PLD5: variants seen among roughly 807,000 people sequenced by gnomAD.
The protein encoded by PLD5 is phospholipase D family member 5, also known as inactive phospholipase D5.
Under a neutral mutation model 61.1 loss-of-function variants are expected in PLD5, and 36 were observed. That is an observed-to-expected ratio of 0.59 (90% CI 0.45 to 0.78). PLD5 has a LOEUF of 0.78. Ranked by LOEUF, PLD5 falls within the 30% of genes least tolerant of loss-of-function variation. PLD5 has a pLI of 0.00. For missense variants in PLD5, 515 were observed against 644.4 expected (o/e 0.80, Z 2.17); for synonymous variants, 243 against 242.8 (o/e 1.00, Z -0.01).
intron 1 of PLD5, among the ~76,000 whole-genome samples, chr1:242,441,077 AAATT>A (rs1407748103): frequency 6.6e-6 from 1 of 152,236 alleles, no homozygotes; most frequent in Non-Finnish European, 1.5e-5. Context: ...TAGCTATAAT[AAATT>A]AAGTTGAAAA....
intron 4 of PLD5, among the ~76,000 whole-genome samples, chr1:242,241,757 T>C (rs1457971087): frequency 7.5e-6 from 1 of 132,638 alleles, no homozygotes; most frequent in Non-Finnish European, 1.6e-5. Context: ...TTTATTCATA[T>C]GTATATTCCT....
chr1:242,389,570 G>C (rs906235324), intron 1 of PLD5, among the ~76,000 whole-genome samples: 9 of 151,690 alleles, frequency 5.9e-5, no homozygotes, highest in East Asian at 3.9e-4. Flanking sequence ...TCTGAGGGGG[G>C]GAAAATCTGT....
At chr1:242,403,528 G>A (rs983188988) in intron 1 of PLD5, among the ~76,000 whole-genome samples, 2 of 149,978 alleles carry the variant, frequency 1.3e-5, no homozygotes, top group Non-Finnish European at 3.0e-5. Flanking sequence ...GCAATGGCAC[G>A]ATCTTGGCTC....
At chr1:242,156,399 G>T (rs969444864) in intron 5 of PLD5, among the ~76,000 whole-genome samples, 1 of 152,154 alleles carries the variant, frequency 6.6e-6, no homozygotes, top group African/African-American at 2.4e-5. Context: ...TCATTATGAT[G>T]CTAGCTGGTT....
intron 7 of PLD5, 57 bp from the exon 8 acceptor site, chr1:242,107,896 T>C: frequency 6.9e-7 from 1 of 1,455,016 alleles, no homozygotes; most frequent in Non-Finnish European, 9.3e-7. Flanking sequence ...GGAAAAGAAA[T>C]TTACTAGACA....
At chr1:242,456,530 G>A (rs925660992) in intron 1 of PLD5, among the ~76,000 whole-genome samples, 1 of 152,132 alleles carries the variant, frequency 6.6e-6, no homozygotes, top group Non-Finnish European at 1.5e-5. Context: ...ACACCTGCAG[G>A]CTGAGTGCGC....
chr1:242,375,436 T>C (rs77345251), intron 1 of PLD5, among the ~76,000 whole-genome samples: 1 of 152,046 alleles, frequency 6.6e-6, no homozygotes, highest in South Asian at 2.1e-4. Context: ...GAGACTTTAA[T>C]TTTTTTTACA....
intron 1 of PLD5, among the ~76,000 whole-genome samples, chr1:242,495,489 G>A (rs1037033723): frequency 4.6e-5 from 7 of 152,040 alleles, no homozygotes; most frequent in African/African-American, 1.2e-4. Flanking sequence ...AAGCAAAGAC[G>A]TAGCAACCCT....
chr1:242,173,942 AC>A (rs1308783792), intron 5 of PLD5, among the ~76,000 whole-genome samples: 2 of 152,184 alleles, frequency 1.3e-5, no homozygotes, highest in Middle Eastern at 3.2e-3. Flanking sequence ...AACCATAAAA[AC>A]CCTAGAAGAA....
At chr1:242,308,189 A>G (rs1211673489) in intron 2 of PLD5, among the ~76,000 whole-genome samples, 1 of 152,068 alleles carries the variant, frequency 6.6e-6, no homozygotes, top group African/African-American at 2.4e-5. Flanking sequence ...TTCACTTCCA[A>G]TCACCTTCTA....
chr1:242,093,263 C>T (rs572970037), intron 9 of PLD5, among the ~76,000 whole-genome samples: 8 of 152,220 alleles, frequency 5.3e-5, no homozygotes, highest in East Asian at 3.9e-4. Context: ...GATCTCTAAA[C>T]GGGATTAGTA....
intron 1 of PLD5, among the ~76,000 whole-genome samples, chr1:242,384,135 G>C (rs910931159): frequency 6.6e-6 from 1 of 152,200 alleles, no homozygotes; most frequent in African/African-American, 2.4e-5. Flanking sequence ...AATCTTCTCA[G>C]GATCACCAGA....
intron 4 of PLD5, among the ~76,000 whole-genome samples, chr1:242,220,989 G>A (rs1052219829): frequency 6.6e-6 from 1 of 152,012 alleles, no homozygotes; most frequent in South Asian, 2.1e-4. Context: ...CACTCGCCTC[G>A]GCCTTCCAAA....
At chr1:242,275,807 G>A (rs528003659) in intron 3 of PLD5, among the ~76,000 whole-genome samples, 1 of 152,294 alleles carries the variant, frequency 6.6e-6, no homozygotes, top group East Asian at 1.9e-4. Context: ...GGAGACAGGA[G>A]AGATAAATGG....
chr1:242,254,361 AAAAAG>A (rs1303393595), intron 4 of PLD5, among the ~76,000 whole-genome samples: 4 of 151,444 alleles, frequency 2.6e-5, no homozygotes, highest in Non-Finnish European at 4.4e-5. Flanking sequence ...AAAAAAAAAA[AAAAAG>A]AAAGAAAGGA....
intron 1 of PLD5, among the ~76,000 whole-genome samples, chr1:242,433,197 T>C (rs1225102532): frequency 2.6e-5 from 4 of 152,212 alleles, no homozygotes; most frequent in African/African-American, 9.7e-5. Flanking sequence ...CAAGGCTCAA[T>C]AGAGGGTTTT....
At chr1:242,241,931 C>CTTACTGTATATATATATAT (rs1558387818) in intron 4 of PLD5, among the ~76,000 whole-genome samples, 7 of 108,120 alleles carry the variant, frequency 6.5e-5, no homozygotes, top group Admixed American at 1.1e-4. Flanking sequence ...TATATATATA[C>CTTACTGTATATATATATAT]GCTTATATAT....
At chr1:242,218,494 T>C (rs1237476898) in intron 5 of PLD5, among the ~76,000 whole-genome samples, 1 of 152,166 alleles carries the variant, frequency 6.6e-6, no homozygotes, top group Non-Finnish European at 1.5e-5. Context: ...CAGAGATTAG[T>C]GAGTTTGCAG....
At chr1:242,265,085 C>T (rs11581365) in intron 4 of PLD5, among the ~76,000 whole-genome samples, 39,852 of 152,050 alleles carry the variant, frequency 0.26, 5,882 homozygotes, top group Non-Finnish European at 0.34. Context: ...TTCTTCTTTC[C>T]AGTTAATCAT....
Sources: gnomAD v4.1 joint callset for allele counts (sites outside exome capture counted in the v4.1 genomes callset) on GRCh38, gnomAD v4.1.1 for gene constraint, MANE v1.5 for transcripts, NCBI Gene and HGNC (gene_info 2026-07-23, HGNC 2026-07-21) for gene names.